The following NRP2 variants were observed in gnomAD, a reference collection of about 807,000 sequenced individuals.
NRP2 encodes neuropilin 2, also known as neuropilin-2.
Under a neutral mutation model 110.4 loss-of-function variants are expected in NRP2, and 52 were observed. That is an observed-to-expected ratio of 0.47 (90% CI 0.38 to 0.59). The LOEUF (loss-of-function observed/expected upper bound fraction) is 0.59. Ranked by LOEUF, NRP2 falls within the 20% of genes least tolerant of loss-of-function variation. The pLI, the probability that NRP2 is intolerant of heterozygous loss-of-function variation, is 0.00. For synonymous variants in NRP2, 508 were observed against 468.9 expected (o/e 1.08, Z -1.08); for missense variants, 1,049 against 1,203.0 (o/e 0.87, Z 1.89).
intron 15 of NRP2, among the ~76,000 whole-genome samples, chr2:205,772,026 CACTTGCTAGCAGTGT>C (rs2058030651): frequency 6.6e-6 from 1 of 152,238 alleles, no homozygotes; most frequent in Admixed American, 6.5e-5. Context: ...GTGACTCTGA[CACTTGCTAGCAGTGT>C]ACAGTTCCTC....
chr2:205,779,237 G>A (rs2058145187), intron 15 of NRP2: 1 of 152,194 alleles, frequency 6.6e-6, no homozygotes, highest in Non-Finnish European at 1.5e-5. Flanking sequence ...CTTCAGGAGG[G>A]AAGCCCTTAT....
chr2:205,744,638 C>G (rs1011598846), intron 9 of NRP2, among the ~76,000 whole-genome samples: 2 of 152,182 alleles, frequency 1.3e-5, no homozygotes, highest in Admixed American at 1.3e-4. Context: ...CTCTAGTTAC[C>G]CCTTGTTTTT....
chr2:205,744,137 C>T (rs2057496186), intron 9 of NRP2, among the ~76,000 whole-genome samples: 1 of 152,070 alleles, frequency 6.6e-6, no homozygotes, highest in Non-Finnish European at 1.5e-5. Context: ...GATATCATGC[C>T]CAGGGTCACA....
intron 16 of NRP2, 69 bp from the exon 17 acceptor site, chr2:205,794,685 G>C: frequency 6.6e-7 from 1 of 1,507,776 alleles, no homozygotes; most frequent in Non-Finnish European, 9.2e-7. Flanking sequence ...CTCTGGGCTG[G>C]GGAGGCTCAG....
intron 12 of NRP2, chr2:205,761,797 C>G (rs2057826959): frequency 6.6e-6 from 1 of 152,212 alleles, no homozygotes. Flanking sequence ...AGTTGCCTCT[C>G]TACCTTGGAC....
At chr2:205,764,014 G>T (rs1373190266) in intron 13 of NRP2, 78 bp downstream of exon 13, 5 of 1,558,062 alleles carry the variant, frequency 3.2e-6, no homozygotes, top group Non-Finnish European at 4.4e-6. Context: ...GTTAGGGAAC[G>T]TGGTTAAGCG....
intron 12 of NRP2, among the ~76,000 whole-genome samples, chr2:205,757,435 G>A (rs533816532): frequency 6.6e-6 from 1 of 152,170 alleles, no homozygotes; most frequent in Admixed American, 6.5e-5. Context: ...CGGTGGAGGC[G>A]CACACAAGAA....
intron 15 of NRP2, chr2:205,776,379 G>T (rs896285398): frequency 6.2e-7 from 1 of 1,613,166 alleles, no homozygotes; most frequent in Non-Finnish European, 8.5e-7. Context: ...TGGCCCTGGT[G>T]CTCCACTACC....
chr2:205,776,258 T>C (rs1237379893), intron 15 of NRP2: 1 of 1,612,958 alleles, frequency 6.2e-7, no homozygotes, highest in Non-Finnish European at 8.5e-7. Flanking sequence ...GGCACCCTCC[T>C]GCCAGGGACC....
chr2:205,771,875 T>G (rs1441280500), intron 15 of NRP2, among the ~76,000 whole-genome samples: 1 of 152,250 alleles, frequency 6.6e-6, no homozygotes, highest in Non-Finnish European at 1.5e-5. Context: ...ATAAGCAATA[T>G]GTAAACAAAT....
At chr2:205,723,245 C>T (rs1370837226) in intron 4 of NRP2, among the ~76,000 whole-genome samples, 7 of 152,202 alleles carry the variant, frequency 4.6e-5, no homozygotes, top group African/African-American at 1.2e-4. Flanking sequence ...ACCAGTACTT[C>T]GCAGGTGAAG....
rs2057042497 is a variant in NRP2, at chr2:205,722,586, C to A, written c.542C>A (p.Ala181Asp). ...TTGGACTGCACCTTTACCATCCTGG[C>A]CAAACCCAAGATGGAGATCATCCTG... ...HNLDCTFTILAKPKMEIILQF... is the reference protein window; with the variant it reads ...HNLDCTFTILDKPKMEIILQF... The change falls in exon 4 of 17, where the codon GCC becomes GAC. Residue 181 changes from alanine (A) to aspartate (D), a missense_variant. Transcript: ENST00000357785. The A allele has an allele frequency of 1.2e-6, 2 of 1,614,090 alleles. No individual in the cohort carries two copies. Among genetic ancestry groups the A allele is most frequent in the South Asian group, 1.1e-5 (1 of 91,092 alleles).
intron 15 of NRP2, among the ~76,000 whole-genome samples, chr2:205,786,778 A>C (rs1476908782): frequency 6.6e-6 from 1 of 152,238 alleles, no homozygotes; most frequent in Non-Finnish European, 1.5e-5. Flanking sequence ...CCACTTTGTC[A>C]GTTCCTCAGT....
At chr2:205,738,209 G>A (rs1368494318) in intron 7 of NRP2, among the ~76,000 whole-genome samples, 5 of 152,132 alleles carry the variant, frequency 3.3e-5, no homozygotes, top group Non-Finnish European at 7.4e-5. Context: ...ATGCATTCAC[G>A]TGACAAGTAA....
chr2:205,773,075 G>A (rs972492696), intron 15 of NRP2, among the ~76,000 whole-genome samples: 1 of 152,176 alleles, frequency 6.6e-6, no homozygotes, highest in African/African-American at 2.4e-5. Flanking sequence ...GTCTGGGAAG[G>A]TGCTTTGGGT....
intron 15 of NRP2, among the ~76,000 whole-genome samples, chr2:205,780,875 G>C (rs139112375): frequency 1.7e-4 from 26 of 152,326 alleles, no homozygotes; most frequent in African/African-American, 6.3e-4. Flanking sequence ...GTCACTATCT[G>C]TCCCTTGCAG....
intron 2 of NRP2, among the ~76,000 whole-genome samples, chr2:205,698,310 G>A (rs2056480370): frequency 2.6e-5 from 4 of 151,868 alleles, no homozygotes; most frequent in Admixed American, 1.3e-4. Flanking sequence ...TCAGTGTCAT[G>A]GATTTATTTA....
In NRP2 at chr2:205,797,038, G is replaced by GTT. The variant is rs1417146883; in HGVS notation, c.*1981_*1982insTT. On this transcript the variant is annotated 3_prime_UTR_variant, in exon 17 of 17. Transcript: ENST00000357785. Reference sequence around the variant, plus strand: ...AACAGCTGTTTATTCATGTGTGTGTGTCTTTGCTGCTTTGAGTTCTCTGTA... The same window carrying GTT: ...AACAGCTGTTTATTCATGTGTGTGTGTTTCTTTGCTGCTTTGAGTTCTCTGTA... The GTT allele has an allele frequency of 6.5e-6, 1 of 152,694 alleles. No homozygotes were observed. Among genetic ancestry groups the GTT allele is most frequent in the Non-Finnish European group, 1.5e-5 (1 of 68,060 alleles). The allele number at this position is 152,694 out of a possible 1,614,324, so 9.5% of individuals were successfully genotyped here.
chr2:205,796,248 T>G lies in NRP2; in HGVS notation c.*1190T>G, dbSNP rs2058350660. ...TCAAATAGACTAGTAAACACCGACT[T>G]CTCCTTTGGGTTACAAACACCATTT... On this transcript the variant is annotated 3_prime_UTR_variant, in exon 17 of 17. Coordinates refer to ENST00000357785, the MANE Select transcript of NRP2 (RefSeq NM_003872.3). The G allele has an allele frequency of 6.6e-6, 1 of 152,160 alleles. No homozygotes were observed. The allele number at this position is 152,160 out of a possible 1,614,324, so 9.4% of individuals were successfully genotyped here. A position where few individuals can be genotyped will look rare whatever the true frequency, so the allele number is the denominator to read the frequency against.
Sources: gnomAD v4.1 joint callset for allele counts (sites outside exome capture counted in the v4.1 genomes callset) on GRCh38, gnomAD v4.1.1 for gene constraint, MANE v1.5 for transcripts, NCBI Gene and HGNC (gene_info 2026-07-23, HGNC 2026-07-21) for gene names.